Variants in ZNF30 observed in about 807,000 individuals in gnomAD.
The protein encoded by ZNF30 is zinc finger protein 30.
ZNF30 carries 15 observed loss-of-function variants against 13.2 expected under a neutral mutation model. The observed-to-expected ratio is 1.13, with a 90% CI of 0.76 to 1.75. The LOEUF (loss-of-function observed/expected upper bound fraction) is 1.75, where lower values mean the gene tolerates loss of function less well. Ranked by LOEUF, ZNF30 falls within the 40% of genes most tolerant of loss-of-function variation. The pLI is 0.00. For synonymous variants in ZNF30, 223 were observed against 256.6 expected, an observed-to-expected ratio of 0.87 and a Z score of 1.25; for missense variants, 726 against 757.0, an observed-to-expected ratio of 0.96 and a Z score of 0.48.
rs1458089923 is a variant in ZNF30, at chr19:34,943,829, ACGAATG to A, written c.865_870del (p.Glu289_Cys290del). 1 of 1,614,028 alleles carries A rather than the reference ACGAATG, an allele frequency of 6.2e-7. No homozygotes were observed. The highest frequency in any genetic ancestry group is 1.7e-5 in the Admixed American group (1 of 60,012). On this transcript the variant is annotated inframe_deletion, in exon 5 of 5. Coordinates refer to ENST00000601142, the MANE Select transcript of ZNF30 (RefSeq NM_194325.3). The stretch of plus-strand genomic sequence containing the variant: ...CGAATTCATACCAGTGAAAAACCTT[ACGAATG>A]CAAAGAATGTGGGAAGGCCTTTAGC...
rs1361569668 is a variant in ZNF30, at chr19:34,944,618, T to A, written c.1652T>A (p.Val551Asp). Reference sequence around the variant, plus strand: ...AACAAATGTGGGAAAGCCTTTACTGTTTATGGACAACTTATTGGACATCAG... The same window carrying A: ...AACAAATGTGGGAAAGCCTTTACTGATTATGGACAACTTATTGGACATCAG... ...ECNKCGKAFT[V>D]YGQLIGHQSV... is the part of the protein sequence containing the mutation. The change falls in exon 5 of 5, where the codon GTT becomes GAT. Residue 551 changes from valine to aspartate, a missense_variant. By Grantham distance (152) the Val-to-Asp change is radical. Coordinates refer to ENST00000601142, the MANE Select transcript of ZNF30 (RefSeq NM_194325.3). 2 of 1,613,956 alleles carry A rather than the reference T, an allele frequency of 1.2e-6. No homozygotes were observed. The highest frequency in any genetic ancestry group is 2.7e-5 in the African/African-American group (2 of 74,904).
chr19:34,944,723 A>T lies in ZNF30; in HGVS notation c.1757A>T (p.His586Leu), dbSNP rs954709401. Residue 586 changes from histidine to leucine, a missense_variant, in exon 5 of 5, where the codon CAT (histidine) becomes CTT (leucine). Physicochemically the swap from His to Leu is moderately conservative, Grantham distance 99 (BLOSUM62 -3). Transcript: ENST00000601142. ...AGACTTAATTCATTCCTTACTGAAC[A>T]TCAGCGGGTACACACTGGTGAGAAA... Reference protein sequence around the residue: ...AFRLNSFLTEHQRVHTGEKPF... With the variant: ...AFRLNSFLTELQRVHTGEKPF... 2.5e-6 allele frequency: 4 copies of T among 1,614,104 alleles called. No homozygotes were observed. The highest frequency in any genetic ancestry group is 3.4e-6 in the Non-Finnish European group (4 of 1,179,968).
intron 4 of ZNF30, among the ~76,000 whole-genome samples, chr19:34,934,132 A>G (rs1366284789): frequency 6.6e-6 from 1 of 151,952 alleles, no homozygotes; most frequent in Non-Finnish European, 1.5e-5. Context: ...AAGCAGAGGG[A>G]ATAGCAGATG....
chr19:34,935,700 G>GTTTTTTTTTTTTTTTTTTT, intron 4 of ZNF30, among the ~76,000 whole-genome samples: 1 of 84,222 alleles, frequency 1.2e-5, no homozygotes, highest in Non-Finnish European at 2.2e-5. Context: ...GTTGTCTATA[G>GTTTTTTTTTTTTTTTTTTT]TTTTTTTTTT....
intron 4 of ZNF30, among the ~76,000 whole-genome samples, chr19:34,935,823 C>T (rs564758892): frequency 7.7e-4 from 116 of 150,506 alleles, no homozygotes; most frequent in African/African-American, 2.4e-3. Context: ...TCCATTTTCA[C>T]GCTGCTGATA....
chr19:34,929,713 A>G (rs954163841), intron 1 of ZNF30, among the ~76,000 whole-genome samples, 171 bp from the exon 2 acceptor site: 1 of 152,212 alleles, frequency 6.6e-6, no homozygotes, highest in Non-Finnish European at 1.5e-5. Flanking sequence ...CACCTCTGCG[A>G]TCAACTCTGT....
chr19:34,925,670 C>G (rs1379837469), upstream of ZNF30, among the ~76,000 whole-genome samples: 1 of 152,122 alleles, frequency 6.6e-6, no homozygotes, highest in Non-Finnish European at 1.5e-5. Context: ...AACAAAAATG[C>G]CTGCCCTCAC....
chr19:34,924,435 CCAAA>C (rs373655456), upstream of ZNF30, among the ~76,000 whole-genome samples: 10 of 152,242 alleles, frequency 6.6e-5, no homozygotes, highest in Admixed American at 2.0e-4. Flanking sequence ...ATTTATCCTC[CCAAA>C]CAAATTTCTG....
chr19:34,926,718 C>T, upstream of ZNF30: 1 of 384,992 alleles, frequency 2.6e-6, no homozygotes, highest in Non-Finnish European at 4.6e-6. Context: ...TTTGTTTTTG[C>T]TTTTTCTGAC....
intron 2 of ZNF30, among the ~76,000 whole-genome samples, chr19:34,930,628 T>C (rs969050566): frequency 1.3e-5 from 2 of 152,048 alleles, no homozygotes; most frequent in African/African-American, 4.8e-5. Context: ...GAGCCCCAGG[T>C]GGGAGGATCA....
upstream of ZNF30, among the ~76,000 whole-genome samples, chr19:34,925,771 A>G (rs1363919694): frequency 6.6e-6 from 1 of 151,816 alleles, no homozygotes; most frequent in South Asian, 2.1e-4. Flanking sequence ...CTTCCATATC[A>G]TTTAAAGGGA....
intron 4 of ZNF30, chr19:34,942,788 C>T: frequency 2.6e-6 from 1 of 383,422 alleles, no homozygotes. Context: ...ACAATATTAT[C>T]TGTGGAAAGA....
chr19:34,933,266 C>T (rs2012554578), intron 3 of ZNF30, among the ~76,000 whole-genome samples: 1 of 151,796 alleles, frequency 6.6e-6, no homozygotes, highest in Non-Finnish European at 1.5e-5. Context: ...CCATCCTGGC[C>T]AACATGGTGA....
intron 4 of ZNF30, among the ~76,000 whole-genome samples, chr19:34,937,054 C>T (rs2012778301): frequency 6.6e-6 from 1 of 151,826 alleles, no homozygotes. Context: ...TCTTGTTGCC[C>T]AGGCTGGAGT....
chr19:34,942,741 G>A (rs2151675333), intron 4 of ZNF30: 1 of 699,924 alleles, frequency 1.4e-6, no homozygotes, highest in Non-Finnish European at 2.2e-6. Flanking sequence ...GACAGAGGGA[G>A]TTGTGTCTTG....
chr19:34,931,841 A>G lies in ZNF30; in HGVS notation c.10-2A>G. 3 of 1,607,158 alleles carry G rather than the reference A, an allele frequency of 1.9e-6. No individual in the cohort carries two copies. Among genetic ancestry groups the G allele is most frequent in the Non-Finnish European group, 2.5e-6 (3 of 1,178,010 alleles). ...TGAAAGCATTTTCTTTGATTTTACC[A>G]GAAATATGTGGGTTTGCAGTATCAC... is the stretch of plus-strand genomic sequence containing the variant. On this transcript the variant is annotated splice_acceptor_variant, in intron 2 of 4. Coordinates refer to ENST00000601142, the MANE Select transcript of ZNF30 (RefSeq NM_194325.3). LOFTEE classifies it high-confidence loss of function.
At chr19:34,931,204 A>G (rs2012434610) in intron 2 of ZNF30, among the ~76,000 whole-genome samples, 2 of 151,900 alleles carry the variant, frequency 1.3e-5, no homozygotes, top group Admixed American at 6.6e-5. Context: ...CGCCCAGCTA[A>G]TTTTTGTATT....
At chr19:34,939,243 G>A (rs1257853988) in intron 4 of ZNF30, among the ~76,000 whole-genome samples, 3 of 150,202 alleles carry the variant, frequency 2.0e-5, no homozygotes, top group Admixed American at 1.3e-4. Context: ...GTGCAGTGGC[G>A]CAATCTCAGC....
In ZNF30 at chr19:34,945,021, C is replaced by T. The variant is rs1412211441; in HGVS notation, c.*183C>T. On this transcript the variant is annotated 3_prime_UTR_variant, in exon 5 of 5. Coordinates refer to ENST00000601142, the MANE Select transcript of ZNF30 (RefSeq NM_194325.3). ...CTTTGTCATTTATAGGTTTGTAATA[C>T]CAATATTTATACTGGTGGACCATTC... 4.9e-6 allele frequency: 3 copies of T among 612,362 alleles called. No individual in the cohort carries two copies. Among genetic ancestry groups the T allele is most frequent in the Admixed American group, 6.8e-5 (2 of 29,556 alleles). 37.9% of individuals were successfully genotyped at this position (612,362 alleles called of 1,614,324 possible).
Sources: gnomAD v4.1 joint callset for allele counts (sites outside exome capture counted in the v4.1 genomes callset) on GRCh38, gnomAD v4.1.1 for gene constraint, MANE v1.5 for transcripts, NCBI Gene and HGNC (gene_info 2026-07-23, HGNC 2026-07-21) for gene names.